GPR149: variants seen among roughly 807,000 people sequenced by gnomAD.
GPR149 encodes probable G protein-coupled receptor 149.
In GPR149, 50 loss-of-function variants were observed where a neutral mutation model predicts 50.2. That is an observed-to-expected ratio of 1.00 (90% CI 0.79 to 1.26). The LOEUF is 1.26. Among genes scored for constraint, GPR149 ranks in the 50% most tolerant of loss-of-function variants. The pLI, the probability that GPR149 is intolerant of heterozygous loss-of-function variation, is 0.00. For synonymous variants in GPR149, 405 were observed against 358.2 expected (o/e 1.13, Z -1.48); for missense variants, 983 against 895.4 (o/e 1.10, Z -1.25).
At chr3:154,396,898 T>TTA (rs1208966735) in intron 3 of GPR149, among the ~76,000 whole-genome samples, 1 of 151,128 alleles carries the variant, frequency 6.6e-6, no homozygotes, top group Non-Finnish European at 1.5e-5. Context: ...TTTTATTATA[T>TTA]TATATATATA....
At chr3:154,419,597 C>G (rs990803041) in intron 3 of GPR149, among the ~76,000 whole-genome samples, 4 of 151,826 alleles carry the variant, frequency 2.6e-5, no homozygotes, top group Non-Finnish European at 5.9e-5. Context: ...AAGAATACAA[C>G]AAAAAATATG....
intron 3 of GPR149, among the ~76,000 whole-genome samples, chr3:154,400,414 A>G (rs1434065484): frequency 1.3e-5 from 2 of 152,184 alleles, no homozygotes; most frequent in Non-Finnish European, 2.9e-5. Context: ...TGGTTGTGTC[A>G]ATGGGTAACC....
intron 3 of GPR149, among the ~76,000 whole-genome samples, chr3:154,385,763 G>A (rs570802449): frequency 1.3e-3 from 195 of 148,752 alleles, no homozygotes; most frequent in African/African-American, 4.5e-3. Context: ...GTGCAGTGGC[G>A]CCATCTTGGC....
At position 154,425,239 on chromosome 3, in the gene GPR149, C is replaced by T. The variant is rs531375401; in HGVS notation, c.1174+2277G>A. ...AGATGTATAATTATATTTACATCTT[C>T]AACATTAACCTATGATAAATATGTT... On this transcript the variant is annotated intron_variant, in intron 2 of 3. Coordinates refer to ENST00000389740, the MANE Select transcript of GPR149 (RefSeq NM_001038705.3). Among the ~76,000 whole-genome samples, 43 of 152,132 alleles carry T rather than the reference C, an allele frequency of 2.8e-4. No individual in the cohort carries two copies. In the Middle Eastern group the frequency reaches 0.017, roughly 60 times the overall value.
At chr3:154,365,199 A>G (rs1714501717) in intron 3 of GPR149, among the ~76,000 whole-genome samples, 1 of 152,062 alleles carries the variant, frequency 6.6e-6, no homozygotes, top group African/African-American at 2.4e-5. Context: ...TTTTAACCCC[A>G]CAGCTGGGAG....
intron 3 of GPR149, among the ~76,000 whole-genome samples, chr3:154,375,575 GCAGT>G (rs2108403629): frequency 6.6e-6 from 1 of 152,258 alleles, no homozygotes; most frequent in South Asian, 2.1e-4. Context: ...TTCCCTAGTT[GCAGT>G]CAGTCTTATC....
intron 3 of GPR149, among the ~76,000 whole-genome samples, chr3:154,341,835 G>A (rs1713806249): frequency 6.6e-6 from 1 of 152,068 alleles, no homozygotes. Flanking sequence ...TTAATACAGG[G>A]TGTTCATTGC....
rs897562853 is a variant in GPR149, at chr3:154,358,506, C to T, written c.1624-20235G>A. ...AACTTCCCCAAAGAAATTACAGATC[C>T]AAGATACTTGAAAAGAAACTTTATT... On this transcript the variant is annotated intron_variant, in intron 3 of 3. Transcript: ENST00000389740. Among the ~76,000 whole-genome samples, 9 of 151,978 alleles carry T rather than the reference C, an allele frequency of 5.9e-5. No homozygotes were observed. The East Asian group carries it at 1.5e-3, about 26-fold the overall frequency.
intron 3 of GPR149, among the ~76,000 whole-genome samples, chr3:154,414,622 A>G (rs951697029): frequency 2.6e-5 from 4 of 152,126 alleles, no homozygotes; most frequent in Non-Finnish European, 5.9e-5. Flanking sequence ...CAATTTTATG[A>G]AGGGATCAAA....
intron 3 of GPR149, among the ~76,000 whole-genome samples, chr3:154,393,756 CTG>C (rs1221285309): frequency 6.6e-6 from 1 of 151,892 alleles, no homozygotes; most frequent in African/African-American, 2.4e-5. Context: ...CAAAAATTAG[CTG>C]TGTTTCTATA....
At chr3:154,368,663 T>A (rs1279744237) in intron 3 of GPR149, among the ~76,000 whole-genome samples, 3 of 152,186 alleles carry the variant, frequency 2.0e-5, no homozygotes, top group African/African-American at 4.8e-5. Flanking sequence ...CACAGGATAC[T>A]GGTACTGCCT....
intron 3 of GPR149, among the ~76,000 whole-genome samples, chr3:154,341,318 T>C (rs1229140659): frequency 3.1e-5 from 2 of 64,076 alleles, no homozygotes; most frequent in South Asian, 6.1e-4. Context: ...TATATATATA[T>C]ATATATATAT....
intron 3 of GPR149, among the ~76,000 whole-genome samples, chr3:154,349,807 T>A (rs1167587918): frequency 6.6e-6 from 1 of 152,198 alleles, no homozygotes; most frequent in African/African-American, 2.4e-5. Context: ...TAGATTAGTA[T>A]CACTCATGAA....
chr3:154,415,887 G>A (rs961156271), intron 3 of GPR149, among the ~76,000 whole-genome samples: 2 of 151,842 alleles, frequency 1.3e-5, no homozygotes, highest in Non-Finnish European at 2.9e-5. Context: ...TCAAACAAAT[G>A]GATGTAGTCA....
In GPR149 at chr3:154,336,088, G is replaced by A. The variant is rs1559966732; in HGVS notation, c.*1611C>T. The A allele has an allele frequency of 6.6e-6, 1 of 151,950 alleles. No individual in the cohort carries two copies. The highest frequency in any genetic ancestry group is 2.4e-5 in the African/African-American group (1 of 41,412). The allele number at this position is 151,950 out of a possible 1,614,324, so 9.4% of individuals were successfully genotyped here. ...TTTTAAAATAAAATATATTTGTAAC[G>A]AGAATACATTTGACTTTGAATTTAT... On this transcript the variant is annotated 3_prime_UTR_variant, in exon 4 of 4. Transcript: ENST00000389740.
chr3:154,391,132 T>A (rs1715159676), intron 3 of GPR149, among the ~76,000 whole-genome samples: 1 of 151,954 alleles, frequency 6.6e-6, no homozygotes, highest in Non-Finnish European at 1.5e-5. Flanking sequence ...AGTATAAAAC[T>A]TGCTGGTAAG....
Position 154,429,076 on chromosome 3 carries a change from C to T in GPR149, c.540G>A (p.Trp180Ter). Residue 180 changes from tryptophan to a stop codon, truncating the protein, a stop_gained, in exon 1 of 4, where the codon TGG (tryptophan) becomes TGA (stop). Transcript: ENST00000389740. LOFTEE classifies it high-confidence loss of function. ...CGWGAFVRTP[W>*]GCLVDCSSSY... is the part of the protein sequence containing the mutation. Reference sequence around the variant, plus strand: ...AGCTGGAGCAGTCCACCAGGCAGCCCCAGGGCGTGCGCACGAAGGCGCCCC... The same window carrying T: ...AGCTGGAGCAGTCCACCAGGCAGCCTCAGGGCGTGCGCACGAAGGCGCCCC... The T allele has an allele frequency of 1.2e-6, 2 of 1,613,788 alleles. No individual in the cohort carries two copies. The highest frequency in any genetic ancestry group is 1.7e-6 in the Non-Finnish European group (2 of 1,179,934).
chr3:154,404,345 A>G (rs1277418754), intron 3 of GPR149, among the ~76,000 whole-genome samples: 1 of 152,086 alleles, frequency 6.6e-6, no homozygotes, highest in Non-Finnish European at 1.5e-5. Flanking sequence ...CCCACATACT[A>G]TTGGGTTGTC....
chr3:154,379,785 A>C (rs1350353826), intron 3 of GPR149, among the ~76,000 whole-genome samples: 1 of 152,206 alleles, frequency 6.6e-6, no homozygotes. Context: ...TTTCATTTAT[A>C]ATATCTATAT....
Sources: allele counts gnomAD v4.1 joint callset (sites outside exome capture counted in the v4.1 genomes callset), GRCh38; gene constraint gnomAD v4.1.1; transcripts MANE v1.5; gene names NCBI Gene and HGNC (gene_info 2026-07-23, HGNC 2026-07-21).